Variants in TSHZ2 observed in about 807,000 individuals in gnomAD.
The protein encoded by TSHZ2 is teashirt zinc finger homeobox 2.
Under a neutral mutation model 74.4 loss-of-function variants are expected in TSHZ2, and 21 were observed. That is an observed-to-expected ratio of 0.28 (90% CI 0.20 to 0.41). The LOEUF is 0.41. Among genes scored for constraint, TSHZ2 ranks in the 10% least tolerant of loss-of-function variants. The pLI is 1.00. For synonymous variants in TSHZ2, 540 were observed against 515.3 expected, an observed-to-expected ratio of 1.05 and a Z score of -0.65; for missense variants, 1,244 against 1,293.5, an observed-to-expected ratio of 0.96 and a Z score of 0.59.
At chr20:53,439,479 CTTCT>C (rs1177958240) in intron 2 of TSHZ2, among the ~76,000 whole-genome samples, 3 of 152,174 alleles carry the variant, frequency 2.0e-5, no homozygotes, top group East Asian at 3.8e-4. Context: ...ATCCTTTATG[CTTCT>C]TTGTTATTAA....
In TSHZ2 at chr20:53,039,748, C is replaced by G. The variant is rs145753983; in HGVS notation, c.40+66415C>G. Among the ~76,000 whole-genome samples, 337 of 150,954 alleles carry G rather than the reference C, an allele frequency of 2.2e-3. 1 individual carries two copies. Among genetic ancestry groups the G allele is most frequent in the African/African-American group, 8.0e-3 (325 of 40,850 alleles). ...TGAGCAGAGATTGTGCCACTGCACT[C>G]TAGCCTGGGTGACAGAGCTAGACTC... On this transcript the variant is annotated intron_variant, in intron 1 of 2. Transcript: ENST00000371497.
chr20:53,127,457 A>G (rs945269468), intron 1 of TSHZ2, among the ~76,000 whole-genome samples: 10 of 152,252 alleles, frequency 6.6e-5, no homozygotes, highest in Admixed American at 2.6e-4. Flanking sequence ...TAATCCCCCA[A>G]TGCTTTCGGA....
chr20:53,249,761 T>C (rs1990284512), intron 1 of TSHZ2, among the ~76,000 whole-genome samples: 1 of 152,188 alleles, frequency 6.6e-6, no homozygotes, highest in Non-Finnish European at 1.5e-5. Context: ...GAGGTTGGCC[T>C]AGGGCACATC....
At chr20:53,123,812 A>G (rs1986876936) in intron 1 of TSHZ2, among the ~76,000 whole-genome samples, 1 of 152,200 alleles carries the variant, frequency 6.6e-6, no homozygotes, top group African/African-American at 2.4e-5. Context: ...AGAGCCTGAA[A>G]GTAAGGTGGC....
chr20:53,221,948 C>G (rs759376118), intron 1 of TSHZ2, among the ~76,000 whole-genome samples: 1 of 152,260 alleles, frequency 6.6e-6, no homozygotes, highest in East Asian at 1.9e-4. Flanking sequence ...ACTGCTAATG[C>G]CTTACAGATG....
chr20:52,976,716 G>C (rs1244356383), intron 1 of TSHZ2, among the ~76,000 whole-genome samples: 3 of 152,134 alleles, frequency 2.0e-5, no homozygotes, highest in African/African-American at 7.2e-5. Flanking sequence ...ATACTGAACT[G>C]CTTTTATATT....
chr20:53,444,363 C>G (rs1281059425), intron 2 of TSHZ2, among the ~76,000 whole-genome samples: 1 of 152,152 alleles, frequency 6.6e-6, no homozygotes, highest in Non-Finnish European at 1.5e-5. Context: ...TGGTGGCTAC[C>G]CCTTTCCCAA....
intron 2 of TSHZ2, among the ~76,000 whole-genome samples, chr20:53,374,185 T>C (rs1339703144): frequency 1.3e-5 from 2 of 152,218 alleles, no homozygotes; most frequent in Non-Finnish European, 2.9e-5. Flanking sequence ...TATTCCCTTC[T>C]TGGTGTCCAT....
chr20:53,237,527 G>A (rs1385744577), intron 1 of TSHZ2, among the ~76,000 whole-genome samples: 1 of 151,576 alleles, frequency 6.6e-6, no homozygotes, highest in African/African-American at 2.4e-5. Context: ...GTGTGTGTGT[G>A]CGCGTGCATC....
intron 2 of TSHZ2, among the ~76,000 whole-genome samples, chr20:53,297,387 C>T (rs1292949336): frequency 1.3e-5 from 2 of 151,836 alleles, no homozygotes; most frequent in Non-Finnish European, 1.5e-5. Flanking sequence ...GTAGCTGGGA[C>T]CACAGGTGTG....
At chr20:53,336,273 T>C (rs988103092) in intron 2 of TSHZ2, among the ~76,000 whole-genome samples, 4 of 152,170 alleles carry the variant, frequency 2.6e-5, no homozygotes, top group Non-Finnish European at 5.9e-5. Flanking sequence ...CTACCACGTC[T>C]CCTTTCCAGG....
Position 53,038,192 on chromosome 20 carries a change from C to CAAAAAAAAA in TSHZ2, c.40+64892_40+64900dup, listed in dbSNP as rs869242676. 1.5e-4 allele frequency among the ~76,000 whole-genome samples: 8 copies of CAAAAAAAAA among 53,942 alleles called. 1 individual carries two copies. The highest frequency in any genetic ancestry group is 2.8e-4 in the Non-Finnish European group (8 of 28,904). 35.4% of individuals were successfully genotyped at this position (53,942 alleles called of 152,430 possible). On this transcript the variant is annotated intron_variant, in intron 1 of 2. Transcript: ENST00000371497. Reference sequence around the variant, plus strand: ...GGGCGACAAGAGCGGGATTCCGTCTCAAAAAAAAAAAAAAAAAAAAAAAAA... The same window carrying CAAAAAAAAA: ...GGGCGACAAGAGCGGGATTCCGTCTCAAAAAAAAAAAAAAAAAAAAAAAAAAAAAAAAAA...
chr20:53,347,645 T>C (rs1306139652), intron 2 of TSHZ2, among the ~76,000 whole-genome samples: 3 of 147,740 alleles, frequency 2.0e-5, no homozygotes, highest in African/African-American at 2.5e-5. Flanking sequence ...TTTTTTTTTT[T>C]CCAACTTTTA....
At chr20:53,079,565 T>C (rs1477132760) in intron 1 of TSHZ2, among the ~76,000 whole-genome samples, 5 of 152,196 alleles carry the variant, frequency 3.3e-5, no homozygotes, top group African/African-American at 9.6e-5. Flanking sequence ...TTCAAGTCTT[T>C]AGAGGCCAAA....
chr20:53,190,207 CTCTT>C (rs928112175), intron 1 of TSHZ2, among the ~76,000 whole-genome samples: 1 of 143,486 alleles, frequency 7.0e-6, no homozygotes, highest in African/African-American at 2.6e-5. Flanking sequence ...GTCTCTCTTT[CTCTT>C]TCTTTCTCTC....
chr20:53,366,408 T>C (rs1009701821), intron 2 of TSHZ2, among the ~76,000 whole-genome samples: 1 of 152,230 alleles, frequency 6.6e-6, no homozygotes, highest in Non-Finnish European at 1.5e-5. Context: ...TTTAAGGAAA[T>C]AATTACTCAA....
intron 1 of TSHZ2, among the ~76,000 whole-genome samples, chr20:53,032,016 G>C (rs1983658404): frequency 6.6e-6 from 1 of 152,158 alleles, no homozygotes. Context: ...TAAAATCTTT[G>C]CGTCTCTAAA....
chr20:53,202,363 C>T (rs1022816480), intron 1 of TSHZ2, among the ~76,000 whole-genome samples: 4 of 152,260 alleles, frequency 2.6e-5, no homozygotes, highest in East Asian at 1.9e-4. Context: ...GGTTTGGAAT[C>T]GTCGCACAGA....
chr20:53,354,738 A>G (rs1980782470), intron 2 of TSHZ2, among the ~76,000 whole-genome samples: 2 of 152,234 alleles, frequency 1.3e-5, no homozygotes, highest in South Asian at 2.1e-4. Context: ...AGTTTCATAT[A>G]CAAGCAAGAC....
Sources: allele counts gnomAD v4.1 joint callset (sites outside exome capture counted in the v4.1 genomes callset), GRCh38; gene constraint gnomAD v4.1.1; transcripts MANE v1.5; gene names NCBI Gene and HGNC (gene_info 2026-07-23, HGNC 2026-07-21).